SDK1: variants seen among roughly 807,000 people sequenced by gnomAD.
SDK1 encodes the protein protein sidekick-1.
Under a neutral mutation model 245.5 loss-of-function variants are expected in SDK1, and 157 were observed. That is an observed-to-expected ratio of 0.64 (90% confidence interval 0.56 to 0.73). The LOEUF (loss-of-function observed/expected upper bound fraction) is 0.73, where lower values mean the gene tolerates loss of function less well. Ranked by LOEUF, SDK1 falls within the 30% of genes least tolerant of loss-of-function variation. SDK1 has a pLI of 0.00. For synonymous variants in SDK1, 1,647 were observed against 1,278.5 expected (o/e 1.29, Z -6.15); for missense variants, 3,583 against 3,002.3 (o/e 1.19, Z -4.52).
intron 30 of SDK1, among the ~76,000 whole-genome samples, chr7:4,156,305 T>G (rs1780732054): frequency 6.6e-6 from 1 of 152,112 alleles, no homozygotes; most frequent in Non-Finnish European, 1.5e-5. Context: ...AAGTAACTCC[T>G]AGGATGCCAG....
chr7:4,105,596 C>T (rs529982949), intron 22 of SDK1, among the ~76,000 whole-genome samples: 72 of 152,310 alleles, frequency 4.7e-4, no homozygotes, highest in African/African-American at 1.6e-3. Context: ...TGAGCCACCA[C>T]GCCTGGCCTG....
At chr7:3,838,869 T>C (rs926533613) in intron 5 of SDK1, among the ~76,000 whole-genome samples, 1 of 152,150 alleles carries the variant, frequency 6.6e-6, no homozygotes, top group Non-Finnish European at 1.5e-5. Context: ...CAGGGAAATA[T>C]AAGTTAGACA....
At chr7:3,397,781 G>T (rs1778760681) in intron 1 of SDK1, among the ~76,000 whole-genome samples, 1 of 151,658 alleles carries the variant, frequency 6.6e-6, no homozygotes, top group African/African-American at 2.4e-5. Context: ...TTGTTCTTAG[G>T]GTTTTTATCT....
At chr7:4,041,968 C>A (rs936413249) in intron 17 of SDK1, among the ~76,000 whole-genome samples, 1 of 135,176 alleles carries the variant, frequency 7.4e-6, no homozygotes, top group Admixed American at 6.9e-5. Context: ...CCCGCGCCAC[C>A]ACGCCCAGCT....
chr7:4,185,676 C>A lies in SDK1; in HGVS notation c.5098+7090C>A, dbSNP rs548717368. On this transcript the variant is annotated intron_variant, in intron 35 of 44. Coordinates refer to ENST00000404826, the MANE Select transcript of SDK1 (RefSeq NM_152744.4). Reference sequence around the variant, plus strand: ...TCTTCCTCTGCTCCAGAACATGCCACGTACACAGCTCTTTGCATATCCACC... The same window carrying A: ...TCTTCCTCTGCTCCAGAACATGCCAAGTACACAGCTCTTTGCATATCCACC... Among the ~76,000 whole-genome samples, 6 of 152,316 alleles carry A rather than the reference C, an allele frequency of 3.9e-5. No individual in the cohort carries two copies. The East Asian group carries it at 1.2e-3, about 29-fold the overall frequency.
At chr7:3,644,182 A>G (rs142658899) in intron 4 of SDK1, among the ~76,000 whole-genome samples, 30 of 150,842 alleles carry the variant, frequency 2.0e-4, no homozygotes, top group Admixed American at 9.9e-4. Flanking sequence ...GATTACAGGC[A>G]TGAGCCACCA....
chr7:4,181,115 C>G (rs1393462501), intron 35 of SDK1, among the ~76,000 whole-genome samples: 2 of 152,200 alleles, frequency 1.3e-5, no homozygotes, highest in African/African-American at 2.4e-5. Flanking sequence ...CCCTCTTTTC[C>G]CATCCTGGGC....
intron 13 of SDK1, among the ~76,000 whole-genome samples, chr7:3,978,522 C>A (rs939346485): frequency 6.6e-6 from 1 of 152,128 alleles, no homozygotes; most frequent in Non-Finnish European, 1.5e-5. Context: ...ACAGTTGTTC[C>A]TCGTGAATTG....
At chr7:4,076,675 A>G (rs1406818967) in intron 20 of SDK1, among the ~76,000 whole-genome samples, 1 of 152,206 alleles carries the variant, frequency 6.6e-6, no homozygotes, top group East Asian at 1.9e-4. Flanking sequence ...AGCTGTCGTC[A>G]TGTTTCAGTT....
At chr7:3,439,092 A>T (rs186911069) in intron 1 of SDK1, among the ~76,000 whole-genome samples, 3 of 152,226 alleles carry the variant, frequency 2.0e-5, no homozygotes, top group East Asian at 3.9e-4. Flanking sequence ...ACCTCTCGTG[A>T]TCAGCCTGCC....
At chr7:3,804,648 G>T (rs180747612) in intron 4 of SDK1, among the ~76,000 whole-genome samples, 1 of 152,166 alleles carries the variant, frequency 6.6e-6, no homozygotes, top group Admixed American at 6.5e-5. Context: ...GGCCTGTTCG[G>T]ACAAAACCAG....
At chr7:3,344,064 G>A (rs887451721) in intron 1 of SDK1, among the ~76,000 whole-genome samples, 3 of 146,900 alleles carry the variant, frequency 2.0e-5, no homozygotes, top group Non-Finnish European at 3.0e-5. Flanking sequence ...TTTTCACTAA[G>A]TTTAGTTAGA....
In SDK1 at chr7:3,517,803, T is replaced by C. The variant is rs529228279; in HGVS notation, c.299-101277T>C. ...TTGCCTGTGCATTTCCTCTCCTAGG[T>C]CATCATTACATAAGACCATTTTAAT... On this transcript the variant is annotated intron_variant, in intron 1 of 44. Transcript: ENST00000404826. 9.7e-4 allele frequency among the ~76,000 whole-genome samples: 148 copies of C among 152,238 alleles called. No homozygotes were observed. The South Asian group carries it at 0.017, about 18-fold the overall frequency.
At chr7:3,618,013 G>A (rs1781821818) in intron 1 of SDK1, among the ~76,000 whole-genome samples, 2 of 152,024 alleles carry the variant, frequency 1.3e-5, no homozygotes, top group South Asian at 4.2e-4. Context: ...TGGATCTTGG[G>A]GACTTTTGTA....
chr7:3,850,847 G>T (rs985844683), intron 5 of SDK1, among the ~76,000 whole-genome samples: 5 of 150,482 alleles, frequency 3.3e-5, no homozygotes, highest in Admixed American at 2.0e-4. Context: ...ATCACACACC[G>T]GGGCCTGTTG....
At chr7:4,248,469 G>A (rs904214896) in intron 44 of SDK1, among the ~76,000 whole-genome samples, 21 of 143,620 alleles carry the variant, frequency 1.5e-4, no homozygotes, top group African/African-American at 4.1e-4. Flanking sequence ...GCATACACAC[G>A]TGCTTACCTA....
chr7:3,767,126 C>T (rs563436318), intron 4 of SDK1, among the ~76,000 whole-genome samples: 1 of 152,216 alleles, frequency 6.6e-6, no homozygotes, highest in African/African-American at 2.4e-5. Flanking sequence ...GGAGGAGATC[C>T]TTCTCTAAGG....
At chr7:3,989,401 C>CA (rs1784122489) in intron 14 of SDK1, among the ~76,000 whole-genome samples, 1 of 152,202 alleles carries the variant, frequency 6.6e-6, no homozygotes, top group African/African-American at 2.4e-5. Context: ...TCCCACAACT[C>CA]ATGGGAGTTC....
At chr7:3,715,881 G>C (rs111530417) in intron 4 of SDK1, among the ~76,000 whole-genome samples, 4 of 152,156 alleles carry the variant, frequency 2.6e-5, no homozygotes, top group Admixed American at 6.5e-5. Flanking sequence ...ATAAAAGGGC[G>C]TCAGCAGCAA....
Sources: gnomAD v4.1 joint callset for allele counts (sites outside exome capture counted in the v4.1 genomes callset) on GRCh38, gnomAD v4.1.1 for gene constraint, MANE v1.5 for transcripts, NCBI Gene and HGNC (gene_info 2026-07-23, HGNC 2026-07-21) for gene names.